The following BBOF1 variants were observed in gnomAD, a reference collection of about 807,000 sequenced individuals.
The protein encoded by BBOF1 is basal body orientation factor 1, also known as basal body-orientation factor 1.
BBOF1 carries 62 observed loss-of-function variants against 68.0 expected under a neutral mutation model. The observed-to-expected ratio is 0.91, with a 90% CI of 0.74 to 1.13. The LOEUF (loss-of-function observed/expected upper bound fraction) is 1.13. BBOF1 is among the 50% of genes most tolerant of loss of function. The probability of loss-of-function intolerance (pLI) is 0.00; values close to 1 mark genes in which losing one functional copy is unlikely to be tolerated. For missense variants in BBOF1, 534 were observed against 600.1 expected, an observed-to-expected ratio of 0.89 and a Z score of 1.15; for synonymous variants, 208 against 198.8, an observed-to-expected ratio of 1.05 and a Z score of -0.39.
At chr14:74,066,212 G>A (rs2060462108), downstream of BBOF1, 1 of 187,282 alleles carries the variant, frequency 5.3e-6, no homozygotes, top group African/African-American at 2.4e-5. Flanking sequence ...ACCAGTATAA[G>A]ATAAGATAGC....
chr14:74,053,674 C>A (rs552158167), intron 8 of BBOF1, among the ~76,000 whole-genome samples: 1 of 150,090 alleles, frequency 6.7e-6, no homozygotes, highest in South Asian at 2.1e-4. Context: ...CCCAAAGCTC[C>A]AGGATTACAG....
chr14:74,049,858 G>A lies in BBOF1; in HGVS notation c.949G>A (p.Ala317Thr), dbSNP rs759037838. 8.7e-6 allele frequency: 14 copies of A among 1,613,990 alleles called. No homozygotes were observed. Among genetic ancestry groups the A allele is most frequent in the African/African-American group, 6.7e-5 (5 of 74,902 alleles). ...TGAAGTTTTAAAACTGCAGCAACACGCAATGATAGAGAACCAAGCAGGTCA... is the reference window on the plus strand; with the variant it reads ...TGAAGTTTTAAAACTGCAGCAACACACAATGATAGAGAACCAAGCAGGTCA... ...ESEVLKLQQH[A>T]MIENQAGQVE... is the part of the protein sequence containing the mutation. Residue 317 changes from alanine (A) to threonine (T), a missense_variant, in exon 8 of 12, where the codon GCA becomes ACA. Transcript: ENST00000394009.
intron 11 of BBOF1, among the ~76,000 whole-genome samples, chr14:74,062,700 A>C (rs1163370352): frequency 6.6e-6 from 1 of 152,202 alleles, no homozygotes; most frequent in Non-Finnish European, 1.5e-5. Flanking sequence ...ATTTGGCCAC[A>C]CTGTCATAAT....
intron 3 of BBOF1, 97 bp downstream of exon 3, chr14:74,029,346 T>A (rs2059509238): frequency 2.7e-6 from 2 of 734,312 alleles, no homozygotes; most frequent in South Asian, 1.6e-5. Context: ...GTGAGTAAGT[T>A]CTCTGGGCAG....
chr14:74,062,831 A>T (rs1267733656), intron 11 of BBOF1, among the ~76,000 whole-genome samples: 1 of 152,180 alleles, frequency 6.6e-6, no homozygotes, highest in Non-Finnish European at 1.5e-5. Flanking sequence ...AACCTATAAA[A>T]GGGGAGACTT....
chr14:74,046,034 T>C, intron 5 of BBOF1, 26 bp from the exon 6 acceptor site: 1 of 1,579,536 alleles, frequency 6.3e-7, no homozygotes, highest in Non-Finnish European at 8.6e-7. Flanking sequence ...GGCATAATTA[T>C]TTAAGCAGCC....
chr14:74,025,538 A>G (rs1171977385), intron 2 of BBOF1, among the ~76,000 whole-genome samples: 1 of 152,234 alleles, frequency 6.6e-6, no homozygotes, highest in Non-Finnish European at 1.5e-5. Flanking sequence ...CTATTTTATT[A>G]TGAACAAAAT....
intron 8 of BBOF1, among the ~76,000 whole-genome samples, chr14:74,053,586 T>G (rs977397795): frequency 6.6e-6 from 1 of 151,986 alleles, no homozygotes; most frequent in African/African-American, 2.4e-5. Flanking sequence ...AAATTATTTT[T>G]ATAGAGAAAA....
At chr14:74,036,201 G>T (rs1026975207) in intron 4 of BBOF1, among the ~76,000 whole-genome samples, 2 of 151,998 alleles carry the variant, frequency 1.3e-5, no homozygotes, top group Admixed American at 6.6e-5. Context: ...GACTATAGGC[G>T]CACGCCACCG....
At chr14:74,053,505 GC>G (rs1937087845) in intron 8 of BBOF1, among the ~76,000 whole-genome samples, 1 of 151,102 alleles carries the variant, frequency 6.6e-6, no homozygotes, top group Non-Finnish European at 1.5e-5. Context: ...CTGGGCCCAA[GC>G]GATCCTCCCA....
At position 74,057,274 on chromosome 14, in the gene BBOF1, C is replaced by T. The variant is rs777741048; in HGVS notation, c.1578+16C>T. ...GTCTGACACAGTAAGGAGTCTGTATCTAATCAAACAATGTATATTGTTGTC... is the reference window on the plus strand; with the variant it reads ...GTCTGACACAGTAAGGAGTCTGTATTTAATCAAACAATGTATATTGTTGTC... On this transcript the variant is annotated intron_variant, in intron 11 of 11. Transcript: ENST00000394009. 11 of 1,614,054 alleles carry T rather than the reference C, an allele frequency of 6.8e-6. No homozygotes were observed. The Admixed American group carries it at 1.8e-4, about 27-fold the overall frequency.
intron 12 of BBOF1, among the ~76,000 whole-genome samples, chr14:74,082,406 T>TG (rs1487598897): frequency 8.5e-5 from 12 of 141,042 alleles, no homozygotes; most frequent in African/African-American, 2.9e-4. Context: ...TTTTTTTTTT[T>TG]TTTTTTTTTT....
chr14:74,038,288 TG>T (rs767079138), intron 4 of BBOF1, among the ~76,000 whole-genome samples: 1 of 152,258 alleles, frequency 6.6e-6, no homozygotes, highest in Non-Finnish European at 1.5e-5. Flanking sequence ...ATGAAAATGC[TG>T]TAGATTGAAT....
At chr14:74,047,167 G>A (rs993303057) in intron 6 of BBOF1, among the ~76,000 whole-genome samples, 17 of 152,154 alleles carry the variant, frequency 1.1e-4, no homozygotes, top group Non-Finnish European at 2.4e-4. Context: ...GTTGTCATGA[G>A]GTATATTAGT....
intron 5 of BBOF1, among the ~76,000 whole-genome samples, chr14:74,044,124 T>C (rs2059896188): frequency 6.6e-6 from 1 of 151,884 alleles, no homozygotes; most frequent in Non-Finnish European, 1.5e-5. Flanking sequence ...TGCACACCTG[T>C]AGTCCCAGCT....
chr14:74,043,358 G>A (rs1471834991), intron 5 of BBOF1, among the ~76,000 whole-genome samples: 2 of 149,972 alleles, frequency 1.3e-5, no homozygotes, highest in African/African-American at 4.9e-5. Flanking sequence ...AGACCATCCT[G>A]GCTAACAAGG....
chr14:74,071,005 G>A (rs892244743), downstream of BBOF1: 7 of 644,158 alleles, frequency 1.1e-5, no homozygotes, highest in Non-Finnish European at 1.9e-5. Context: ...AGGGCAACAA[G>A]CACTGCTATT....
chr14:74,066,674 C>T, downstream of BBOF1: 1 of 1,600,488 alleles, frequency 6.2e-7, no homozygotes, highest in Non-Finnish European at 8.6e-7. Flanking sequence ...GTGCCTTCAG[C>T]TCTCATATTT....
At position 74,029,211 on chromosome 14, in the gene BBOF1, G is replaced by A; in HGVS notation, c.313G>A (p.Glu105Lys). Residue 105 changes from glutamate (E) to lysine (K), a missense_variant, in exon 3 of 12, where the codon GAA becomes AAA. By Grantham distance (56) the Glu-to-Lys change is moderately conservative. Coordinates refer to ENST00000394009, the MANE Select transcript of BBOF1 (RefSeq NM_025057.3). Reference protein sequence around the residue: ...MIEKLKQQLNETKEKAQEEKD... With the variant: ...MIEKLKQQLNKTKEKAQEEKD... ...TGAAAAACTGAAACAGCAATTAAATGAAACAAAGGAAAAAGCCCAAGAGGA... is the reference window on the plus strand; with the variant it reads ...TGAAAAACTGAAACAGCAATTAAATAAAACAAAGGAAAAAGCCCAAGAGGA... The A allele has an allele frequency of 6.4e-7, 1 of 1,562,060 alleles. No individual in the cohort carries two copies. The highest frequency in any genetic ancestry group is 1.4e-5 in the African/African-American group (1 of 73,884).
Sources: gnomAD v4.1 joint callset for allele counts (sites outside exome capture counted in the v4.1 genomes callset) on GRCh38, gnomAD v4.1.1 for gene constraint, MANE v1.5 for transcripts, NCBI Gene and HGNC (gene_info 2026-07-23, HGNC 2026-07-21) for gene names.